Variants in NRG1 observed in about 807,000 individuals in gnomAD.
NRG1 encodes pro-neuregulin-1, membrane-bound isoform.
Under a neutral mutation model 63.8 loss-of-function variants are expected in NRG1, and 18 were observed. The ratio of observed to expected loss-of-function variants is 0.28; its 90% CI spans 0.19 to 0.42. The LOEUF is 0.42. Ranked by LOEUF, NRG1 falls within the 10% of genes least tolerant of loss-of-function variation. The probability of loss-of-function intolerance (pLI) is 1.00; values close to 1 mark genes in which losing one functional copy is unlikely to be tolerated. For synonymous variants in NRG1, 302 were observed against 301.3 expected (o/e 1.00, Z -0.02); for missense variants, 762 against 814.7 (o/e 0.94, Z 0.79).
chr8:32,167,982 T>C (rs1361350578), intron 1 of NRG1, among the ~76,000 whole-genome samples: 4 of 152,158 alleles, frequency 2.6e-5, no homozygotes, highest in African/African-American at 9.7e-5. Context: ...ACATGCATTT[T>C]GATATACTTT....
At chr8:31,794,049 A>G (rs1820964672) in intron 1 of NRG1, among the ~76,000 whole-genome samples, 1 of 150,808 alleles carries the variant, frequency 6.6e-6, no homozygotes, top group South Asian at 2.1e-4. Flanking sequence ...TCCTCCTAAC[A>G]GAGTCTTTGC....
At chr8:32,629,421 AG>A (rs1563804678) in intron 5 of NRG1, among the ~76,000 whole-genome samples, 1 of 152,154 alleles carries the variant, frequency 6.6e-6, no homozygotes, top group Admixed American at 6.5e-5. Context: ...TTACTATGCC[AG>A]TTCCCAGGGA....
intron 1 of NRG1, among the ~76,000 whole-genome samples, chr8:32,272,783 G>C (rs1420459832): frequency 6.6e-6 from 1 of 152,182 alleles, no homozygotes; most frequent in African/African-American, 2.4e-5. Flanking sequence ...GTGTTTCAAA[G>C]AGTAACCATT....
intron 1 of NRG1, among the ~76,000 whole-genome samples, chr8:32,488,591 C>T (rs1012695706): frequency 3.3e-5 from 5 of 151,348 alleles, no homozygotes; most frequent in African/African-American, 9.7e-5. Context: ...GCTTGGGCAA[C>T]ATGGCAAAAC....
chr8:31,903,781 C>T (rs1252170864), intron 1 of NRG1, among the ~76,000 whole-genome samples: 1 of 151,898 alleles, frequency 6.6e-6, no homozygotes, highest in African/African-American at 2.4e-5. Flanking sequence ...ATAGGGAAAC[C>T]CCGTTTCTAC....
chr8:32,159,060 A>C (rs1047696630), intron 1 of NRG1, among the ~76,000 whole-genome samples: 3 of 152,172 alleles, frequency 2.0e-5, no homozygotes, highest in African/African-American at 7.2e-5. Context: ...TGCCCCATAC[A>C]CATAGAGGCC....
chr8:32,474,857 G>A (rs1451559012), intron 1 of NRG1, among the ~76,000 whole-genome samples: 3 of 152,184 alleles, frequency 2.0e-5, no homozygotes, highest in South Asian at 4.1e-4. Context: ...GTACTATGTG[G>A]GAAGAATGAT....
intron 1 of NRG1, among the ~76,000 whole-genome samples, chr8:32,359,959 G>A (rs1488063293): frequency 2.0e-5 from 3 of 152,180 alleles, no homozygotes; most frequent in African/African-American, 4.8e-5. Context: ...GTTTTGAAAT[G>A]TATGGAGCCA....
chr8:31,934,424 T>TC lies in NRG1; in HGVS notation c.37+294993_37+294994insC, dbSNP rs1835126829. Among the ~76,000 whole-genome samples, 3 of 144,884 alleles carry TC rather than the reference T, an allele frequency of 2.1e-5. 1 individual carries two copies. The highest frequency in any genetic ancestry group is 4.5e-5 in the Non-Finnish European group (3 of 66,200). ...ACACACCCCTTTATTCGCTCTCTTTTTTTTTTTTTTTTTTTTTTTAGTTGG... is the reference window on the plus strand; with the variant it reads ...ACACACCCCTTTATTCGCTCTCTTTTCTTTTTTTTTTTTTTTTTTTAGTTGG... On this transcript the variant is annotated intron_variant, in intron 1 of 10. Transcript: ENST00000519301.
intron 1 of NRG1, among the ~76,000 whole-genome samples, chr8:32,578,359 C>T (rs1840038698): frequency 6.6e-6 from 1 of 152,138 alleles, no homozygotes. Flanking sequence ...CACAAAAAGC[C>T]AGTCCTTTAT....
chr8:32,752,740 G>A (rs575720992), intron 7 of NRG1, among the ~76,000 whole-genome samples: 3 of 152,176 alleles, frequency 2.0e-5, no homozygotes, highest in South Asian at 4.2e-4. Flanking sequence ...CTCTTGGTTT[G>A]TTTTTCCTTT....
intron 5 of NRG1, among the ~76,000 whole-genome samples, chr8:32,660,512 T>C (rs1802587544): frequency 1.3e-5 from 2 of 152,216 alleles, no homozygotes; most frequent in African/African-American, 2.4e-5. Context: ...TTTTAACATA[T>C]AATTTGCAAA....
intron 1 of NRG1, among the ~76,000 whole-genome samples, chr8:32,327,132 C>T (rs779340623): frequency 2.9e-4 from 44 of 152,198 alleles, no homozygotes; most frequent in Non-Finnish European, 4.1e-4. Context: ...CAGTGTGGGG[C>T]TGGCACAGAG....
intron 1 of NRG1, among the ~76,000 whole-genome samples, chr8:31,995,022 G>A (rs1811730348): frequency 6.6e-6 from 1 of 151,926 alleles, no homozygotes; most frequent in African/African-American, 2.4e-5. Context: ...CAAAGCAACA[G>A]ATTCTCTAAT....
intron 1 of NRG1, among the ~76,000 whole-genome samples, chr8:31,945,575 G>A (rs1257251372): frequency 6.6e-6 from 1 of 152,128 alleles, no homozygotes; most frequent in Non-Finnish European, 1.5e-5. Flanking sequence ...TTCGGAGCCT[G>A]TAAAAGTTAG....
At position 32,267,949 on chromosome 8, in the gene NRG1, C is replaced by T. The variant is rs554134084; in HGVS notation, c.38-327879C>T. On this transcript the variant is annotated intron_variant, in intron 1 of 10. Coordinates refer to the NRG1 transcript ENST00000519301. ...AAGTTCACTCCCTTGTATGCTTCCC[C>T]CTCTTTGAATGTCAGCGGACCTTTA... 2.2e-3 allele frequency among the ~76,000 whole-genome samples: 339 copies of T among 152,270 alleles called. 4 individuals are homozygous for T. Among genetic ancestry groups the T allele is most frequent in the Admixed American group, 2.6e-3 (40 of 15,294 alleles).
intron 1 of NRG1, among the ~76,000 whole-genome samples, chr8:32,090,802 G>A (rs1204513522): frequency 6.6e-6 from 1 of 152,076 alleles, no homozygotes; most frequent in Admixed American, 6.6e-5. Flanking sequence ...AGCAGATTAG[G>A]GGCTGAGGTC....
chr8:32,504,037 T>A (rs532575926), intron 1 of NRG1, among the ~76,000 whole-genome samples: 33 of 152,298 alleles, frequency 2.2e-4, no homozygotes, highest in African/African-American at 7.9e-4. Flanking sequence ...TTGAGGTATT[T>A]TTTCCCTTAG....
At chr8:31,890,044 G>C (rs1240584216) in intron 1 of NRG1, among the ~76,000 whole-genome samples, 1 of 152,216 alleles carries the variant, frequency 6.6e-6, no homozygotes, top group Non-Finnish European at 1.5e-5. Flanking sequence ...TTTTGTTCTG[G>C]AGAAGTGTTC....
Sources: gnomAD v4.1 joint callset for allele counts (sites outside exome capture counted in the v4.1 genomes callset) on GRCh38, gnomAD v4.1.1 for gene constraint, MANE v1.5 for transcripts, NCBI Gene and HGNC (gene_info 2026-07-23, HGNC 2026-07-21) for gene names.